AUH: variants seen among roughly 807,000 people sequenced by gnomAD.
The protein encoded by AUH is AU RNA binding methylglutaconyl-CoA hydratase.
Under a neutral mutation model 42.3 loss-of-function variants are expected in AUH, and 29 were observed. That is an observed-to-expected ratio of 0.69 (90% CI 0.51 to 0.93). The LOEUF is 0.93. Ranked by LOEUF, AUH falls within the 40% of genes least tolerant of loss-of-function variation. The probability of loss-of-function intolerance (pLI) is 0.00; values close to 1 mark genes in which losing one functional copy is unlikely to be tolerated. For synonymous variants in AUH, 174 were observed against 166.4 expected, an observed-to-expected ratio of 1.05 and a Z score of -0.35; for missense variants, 452 against 438.1, an observed-to-expected ratio of 1.03 and a Z score of -0.28.
chr9:91,228,306 A>T (rs1251441404), intron 6 of AUH, among the ~76,000 whole-genome samples: 1 of 152,106 alleles, frequency 6.6e-6, no homozygotes, highest in Admixed American at 6.5e-5. Context: ...CAAGGAATTT[A>T]TCCATTTCTT....
chr9:91,282,893 G>A (rs1440595142), intron 6 of AUH, among the ~76,000 whole-genome samples: 1 of 152,140 alleles, frequency 6.6e-6, no homozygotes, highest in Non-Finnish European at 1.5e-5. Context: ...ACAAGGAGGA[G>A]CGGGTACCAT....
chr9:91,289,514 A>G lies in AUH; in HGVS notation c.655+6507T>C, dbSNP rs114018282. 3.6e-3 allele frequency among the ~76,000 whole-genome samples: 550 copies of G among 152,228 alleles called. 6 individuals are homozygous for G. The highest frequency in any genetic ancestry group is 0.013 in the African/African-American group (524 of 41,530). ...TTCTATAATAGGAGGCAAGTGACGC[A>G]TTTTCTTTTAACCAAAAGAGATCTA... is the stretch of plus-strand genomic sequence containing the variant. On this transcript the variant is annotated intron_variant, in intron 6 of 9. Coordinates refer to ENST00000375731, the MANE Select transcript of AUH (RefSeq NM_001698.3).
At chr9:91,263,574 G>A (rs1360672560) in intron 6 of AUH, among the ~76,000 whole-genome samples, 1 of 152,106 alleles carries the variant, frequency 6.6e-6, no homozygotes, top group Non-Finnish European at 1.5e-5. Flanking sequence ...GCCAAATTAG[G>A]AAATATTTTA....
Position 91,358,930 on chromosome 9 carries a change from GT to G in AUH, c.262+2697del, listed in dbSNP as rs199536397. Among the ~76,000 whole-genome samples the G allele has an allele frequency of 9.8e-4, 149 of 151,732 alleles. 1 individual carries two copies. In the East Asian group the frequency reaches 0.017, roughly 17 times the overall value. On this transcript the variant is annotated intron_variant, in intron 1 of 9. Transcript: ENST00000375731. ...TAGCTTTATTCAGCAAAGTCTAAAA[GT>G]TTTTTTTTATAACTGTCTCACTTTA...
At chr9:91,310,783 A>G (rs1418867734) in intron 4 of AUH, among the ~76,000 whole-genome samples, 1 of 152,224 alleles carries the variant, frequency 6.6e-6, no homozygotes, top group Non-Finnish European at 1.5e-5. Context: ...TCATGTGGTT[A>G]CCAAAACATT....
intron 7 of AUH, among the ~76,000 whole-genome samples, chr9:91,217,834 C>G (rs1446556927): frequency 6.6e-6 from 1 of 152,146 alleles, no homozygotes; most frequent in East Asian, 1.9e-4. Context: ...CAACAGTGTC[C>G]TCTAAGCAGT....
Position 91,320,016 on chromosome 9 carries a change from T to G in AUH, c.505+5302A>C, listed in dbSNP as rs560941168. On this transcript the variant is annotated intron_variant, in intron 4 of 9. Coordinates refer to ENST00000375731, the MANE Select transcript of AUH (RefSeq NM_001698.3). ...TTCTTTCTTCTGAGGAGGCAAGAAC[T>G]GAGATTGCTACAGACCTGTACAGAT... Among the ~76,000 whole-genome samples, 6 of 152,332 alleles carry G rather than the reference T, an allele frequency of 3.9e-5. No homozygotes were observed. In the South Asian group the frequency reaches 1.2e-3, roughly 32 times the overall value.
At chr9:91,321,234 T>C (rs569687109) in intron 4 of AUH, among the ~76,000 whole-genome samples, 56 of 152,284 alleles carry the variant, frequency 3.7e-4, no homozygotes, top group African/African-American at 1.3e-3. Flanking sequence ...AATCTGAACA[T>C]CTATGTCTTT....
chr9:91,298,694 C>G (rs976490147), intron 4 of AUH, among the ~76,000 whole-genome samples: 4 of 152,186 alleles, frequency 2.6e-5, no homozygotes, highest in African/African-American at 4.8e-5. Flanking sequence ...GGAAAGGGGT[C>G]AGCCAGTCAC....
chr9:91,253,327 G>A (rs1829237245), intron 6 of AUH, among the ~76,000 whole-genome samples: 1 of 152,152 alleles, frequency 6.6e-6, no homozygotes, highest in South Asian at 2.1e-4. Context: ...TGATTTGAGA[G>A]ATTCATATTT....
intron 3 of AUH, among the ~76,000 whole-genome samples, chr9:91,346,272 G>A (rs1831502620): frequency 2.0e-5 from 3 of 152,110 alleles, no homozygotes; most frequent in Non-Finnish European, 2.9e-5. Flanking sequence ...GAGAGGAGCT[G>A]GAGATTGAGC....
chr9:91,313,608 G>A (rs1322341989), intron 4 of AUH, among the ~76,000 whole-genome samples: 1 of 151,526 alleles, frequency 6.6e-6, no homozygotes, highest in Non-Finnish European at 1.5e-5. Flanking sequence ...GGGAGGCTGA[G>A]GCAGGAGAAT....
chr9:91,338,650 C>T (rs182586917), intron 3 of AUH, among the ~76,000 whole-genome samples: 1 of 152,278 alleles, frequency 6.6e-6, no homozygotes, highest in African/African-American at 2.4e-5. Context: ...AGGCTGGTCT[C>T]GAACTCCTGA....
intron 4 of AUH, among the ~76,000 whole-genome samples, chr9:91,309,252 C>A (rs1376897296): frequency 6.6e-6 from 1 of 151,866 alleles, no homozygotes; most frequent in African/African-American, 2.4e-5. Context: ...ACACCTCCCA[C>A]CAGGCCCCAC....
At chr9:91,357,307 G>A (rs747355829) in intron 1 of AUH, among the ~76,000 whole-genome samples, 1 of 152,130 alleles carries the variant, frequency 6.6e-6, no homozygotes, top group African/African-American at 2.4e-5. Flanking sequence ...AATAGTTAAC[G>A]GATAAAGAAA....
intron 6 of AUH, among the ~76,000 whole-genome samples, chr9:91,283,440 T>C (rs1294397117): frequency 6.6e-6 from 1 of 152,124 alleles, no homozygotes; most frequent in Admixed American, 6.5e-5. Flanking sequence ...CTATTCAACA[T>C]AGTGTTGGAA....
chr9:91,240,280 G>A (rs554268149), intron 6 of AUH, among the ~76,000 whole-genome samples: 2 of 152,272 alleles, frequency 1.3e-5, no homozygotes, highest in South Asian at 4.1e-4. Context: ...CAATAGCACT[G>A]TGCACCCCTC....
At chr9:91,214,556 T>G in intron 9 of AUH, 131 bp from the exon 10 acceptor site, 1 of 718,440 alleles carries the variant, frequency 1.4e-6, no homozygotes, top group Non-Finnish European at 2.3e-6. Context: ...ACAATTCTCC[T>G]AATTATGTAA....
chr9:91,224,372 T>C (rs944197268), intron 6 of AUH, among the ~76,000 whole-genome samples: 5 of 152,202 alleles, frequency 3.3e-5, no homozygotes, highest in African/African-American at 9.6e-5. Flanking sequence ...CTTTATCAGA[T>C]ATAGACTTGC....
Sources: allele counts gnomAD v4.1 joint callset (sites outside exome capture counted in the v4.1 genomes callset), GRCh38; gene constraint gnomAD v4.1.1; transcripts MANE v1.5; gene names NCBI Gene and HGNC (gene_info 2026-07-23, HGNC 2026-07-21).